The following BDP1 variants were observed in gnomAD, a reference collection of about 807,000 sequenced individuals.
BDP1 encodes the protein BDP1 general transcription factor IIIB subunit, also known as transcription factor TFIIIB component B'' homolog.
BDP1 carries 169 observed loss-of-function variants against 266.6 expected under a neutral mutation model. The observed-to-expected ratio is 0.63, with a 90% confidence interval of 0.56 to 0.72. The LOEUF is 0.72. Among genes scored for constraint, BDP1 ranks in the 30% least tolerant of loss-of-function variants. The pLI is 0.00. For synonymous variants in BDP1, 1,090 were observed against 1,022.4 expected (o/e 1.07, Z -1.26); for missense variants, 3,015 against 3,053.8 (o/e 0.99, Z 0.30).
At chr5:71,470,028 A>G (rs1221551895) in intron 6 of BDP1, among the ~76,000 whole-genome samples, 1 of 151,002 alleles carries the variant, frequency 6.6e-6, no homozygotes, top group Non-Finnish European at 1.5e-5. Context: ...TTTAGTAGAG[A>G]CGGGGTTTCT....
rs1222826190 is a variant in BDP1 at position 71,504,650 on chromosome 5, T to C, written c.2271T>C (p.Arg757=). 4 of 1,613,594 alleles carry C rather than the reference T, an allele frequency of 2.5e-6. No individual in the cohort carries two copies. The highest frequency in any genetic ancestry group is 2.2e-5 in the East Asian group (1 of 44,786). Residue 757 remains arginine, a synonymous_variant, in exon 16 of 39, where the codon CGT becomes CGC. Transcript: ENST00000358731. The part of the protein sequence containing the change: ...DTPQHMEDQS[R]KDFEEEDVIL... ...CTCAACACATGGAAGATCAATCGCGTAAAGATTTTGAAGAGGAAGATGTCA... is the reference window on the plus strand; with the variant it reads ...CTCAACACATGGAAGATCAATCGCGCAAAGATTTTGAAGAGGAAGATGTCA...
intron 9 of BDP1, among the ~76,000 whole-genome samples, chr5:71,487,746 C>T (rs1002937138): frequency 2.6e-5 from 4 of 152,126 alleles, no homozygotes; most frequent in Admixed American, 2.0e-4. Flanking sequence ...CTGGAACATA[C>T]AAAAATTTCG....
chr5:71,496,803 G>A (rs542329214), intron 12 of BDP1, among the ~76,000 whole-genome samples: 14 of 152,022 alleles, frequency 9.2e-5, no homozygotes, highest in African/African-American at 3.4e-4. Flanking sequence ...GGCTGGTCTC[G>A]AACTCCTGAC....
chr5:71,496,582 T>C (rs1763907384), intron 12 of BDP1, among the ~76,000 whole-genome samples: 1 of 151,900 alleles, frequency 6.6e-6, no homozygotes, highest in African/African-American at 2.4e-5. Context: ...GGACTATAGG[T>C]GCTCGCCACC....
At chr5:71,546,490 C>T (rs1742319605) in intron 32 of BDP1, among the ~76,000 whole-genome samples, 1 of 151,660 alleles carries the variant, frequency 6.6e-6, no homozygotes, top group Non-Finnish European at 1.5e-5. Flanking sequence ...TGGTGGCATG[C>T]ACCTGTAATC....
the BDP1 span, among the ~76,000 whole-genome samples, chr5:71,578,225 G>C: frequency 6.6e-6 from 1 of 152,168 alleles, no homozygotes; most frequent in East Asian, 1.9e-4. Flanking sequence ...ATGGAGGGCT[G>C]TGTAAAGCTC....
chr5:71,554,584 C>G (rs924892331), intron 35 of BDP1, among the ~76,000 whole-genome samples: 29 of 152,128 alleles, frequency 1.9e-4, no homozygotes, highest in African/African-American at 5.8e-4. Context: ...TTAAAAATAT[C>G]TTTAATGACA....
Position 71,513,393 on chromosome 5 carries a change from C to A in BDP1, c.4456C>A (p.Leu1486Ile). ...AGAAAATAATGAACAAACTGATACT[C>A]TCCCTTCTCAACATGTGAGTGTATT... ...MQENNEQTDT[L>I]PSQHDEASLM... The change falls in exon 19 of 39, where the codon CTC becomes ATC. Residue 1486 changes from leucine to isoleucine, a missense_variant. Transcript: ENST00000358731. 1.3e-6 allele frequency: 2 copies of A among 1,577,786 alleles called. No homozygotes were observed. Among genetic ancestry groups the A allele is most frequent in the Non-Finnish European group, 1.7e-6 (2 of 1,163,396 alleles).
At chr5:71,507,119 G>C (rs1485276779) in intron 16 of BDP1, among the ~76,000 whole-genome samples, 1 of 152,064 alleles carries the variant, frequency 6.6e-6, no homozygotes, top group African/African-American at 2.4e-5. Flanking sequence ...ACCACGCCTG[G>C]CCATGAATAT....
chr5:71,501,673 TAAAAAA>T lies in BDP1; in HGVS notation c.2048+35_2048+40del. 80 of 544,484 alleles carry T rather than the reference TAAAAAA, an allele frequency of 1.5e-4. No individual in the cohort carries two copies. The highest frequency in any genetic ancestry group is 4.9e-4 in the South Asian group (15 of 30,648). 33.7% of individuals were successfully genotyped at this position (544,484 alleles called of 1,614,324 possible). A position where few individuals can be genotyped will look rare whatever the true frequency, so the allele number is the denominator to read the frequency against. ...ATCTGTGTGAGTATTCAGGAAGTAG[TAAAAAA>T]AAAAAAAAAAAAAAGTAACTCTTAG... On this transcript the variant is annotated intron_variant, in intron 14 of 38. Coordinates refer to ENST00000358731, the MANE Select transcript of BDP1 (RefSeq NM_018429.3).
At chr5:71,545,466 G>T in intron 32 of BDP1, 1 of 479,878 alleles carries the variant, frequency 2.1e-6, no homozygotes, top group Admixed American at 4.1e-5. Context: ...CAAGTAGCTG[G>T]GACTACAGGC....
Position 71,549,413 on chromosome 5 carries a change from T to A in BDP1, c.6809-7T>A. 6.2e-7 allele frequency: 1 copy of A among 1,602,664 alleles called. No homozygotes were observed. The highest frequency in any genetic ancestry group is 1.1e-5 in the South Asian group (1 of 88,744). The stretch of plus-strand genomic sequence containing the variant: ...CTTTTTTATTACTAACTTTTAAACT[T>A]TGATAGTGAATCTAGTTGCTAATGT... On this transcript the variant is annotated splice_polypyrimidine_tract_variant and splice_region_variant and intron_variant, in intron 33 of 38. Transcript: ENST00000358731.
At chr5:71,497,991 C>T (rs1180467108) in intron 13 of BDP1, among the ~76,000 whole-genome samples, 1 of 151,746 alleles carries the variant, frequency 6.6e-6, no homozygotes, top group East Asian at 1.9e-4. Flanking sequence ...CTCACTGTCT[C>T]CCAGGCTGGA....
intron 7 of BDP1, among the ~76,000 whole-genome samples, chr5:71,478,435 G>A (rs1310995964): frequency 6.6e-6 from 1 of 152,202 alleles, no homozygotes; most frequent in East Asian, 1.9e-4. Context: ...GTCTACTGTT[G>A]AAAAATTTTC....
chr5:71,556,477 ATG>A (rs1171700819), intron 35 of BDP1, among the ~76,000 whole-genome samples: 9 of 152,158 alleles, frequency 5.9e-5, no homozygotes, highest in African/African-American at 2.2e-4. Context: ...TTTTTCAAGA[ATG>A]AATATCATTG....
At chr5:71,505,465 A>G (rs1214394149) in intron 16 of BDP1, among the ~76,000 whole-genome samples, 1 of 152,214 alleles carries the variant, frequency 6.6e-6, no homozygotes, top group Non-Finnish European at 1.5e-5. Flanking sequence ...ATAGAAACCC[A>G]TACTGCTTAT....
Position 71,524,604 on chromosome 5 carries a change from TTTTTTTA to T in BDP1, c.5772+299_5772+305del, listed in dbSNP as rs1469829706. Among the ~76,000 whole-genome samples the T allele has an allele frequency of 5.4e-3, 815 of 150,868 alleles. 7 individuals are homozygous for T. Among genetic ancestry groups the T allele is most frequent in the African/African-American group, 0.013 (526 of 41,354 alleles). ...AGTCTACTTTCTGATAATCTTTCTT[TTTTTTTA>T]TTTTTTATTTTTTATTTATTTATTT... On this transcript the variant is annotated intron_variant, in intron 25 of 38. Transcript: ENST00000358731.
Position 71,510,028 on chromosome 5 carries a change from A to G in BDP1, c.2936A>G (p.Glu979Gly), listed in dbSNP as rs1764810955. Reference sequence around the variant, plus strand: ...CCAGAGGTGACTGATGCCACTGAGGAAATAGACAAAAATTTGGAAGAAACT... The same window carrying G: ...CCAGAGGTGACTGATGCCACTGAGGGAATAGACAAAAATTTGGAAGAAACT... ...KTPEVTDATE[E>G]IDKNLEETGR... is the part of the protein sequence containing the mutation. Residue 979 changes from glutamate to glycine, a missense_variant, in exon 17 of 39, where the codon GAA (glutamate) becomes GGA (glycine). By Grantham distance (98) the Glu-to-Gly change is moderately conservative. Around this residue, in one of 3 missense-constraint regions of BDP1, gnomAD observed 2,383 missense variants for 2,404.9 expected, o/e 0.99. Coordinates refer to ENST00000358731, the MANE Select transcript of BDP1 (RefSeq NM_018429.3). 4 of 1,613,978 alleles carry G rather than the reference A, an allele frequency of 2.5e-6. No individual in the cohort carries two copies. The South Asian group carries it at 3.3e-5, about 13-fold the overall frequency.
intron 13 of BDP1, among the ~76,000 whole-genome samples, chr5:71,500,514 A>G (rs1764171119): frequency 6.6e-6 from 1 of 150,780 alleles, no homozygotes; most frequent in African/African-American, 2.4e-5. Context: ...TTTAATAGAA[A>G]CGGGGTTTCA....
Sources: allele counts gnomAD v4.1 joint callset (sites outside exome capture counted in the v4.1 genomes callset), GRCh38; gene constraint gnomAD v4.1.1; regional missense constraint gnomAD v4.1.1; transcripts MANE v1.5; gene names NCBI Gene and HGNC (gene_info 2026-07-23, HGNC 2026-07-21).